The following NAGK variants were observed in gnomAD, a reference collection of about 807,000 sequenced individuals.
NAGK encodes the protein N-acetylglucosamine kinase.
NAGK carries 35 observed loss-of-function variants against 42.9 expected under a neutral mutation model. The observed-to-expected ratio is 0.82, with a 90% CI of 0.62 to 1.08. The LOEUF is 1.08. Ranked by LOEUF, NAGK falls within the 50% of genes least tolerant of loss-of-function variation. The pLI is 0.00. For synonymous variants in NAGK, 172 were observed against 176.0 expected, an observed-to-expected ratio of 0.98 and a Z score of 0.18; for missense variants, 446 against 446.0, an observed-to-expected ratio of 1.00 and a Z score of 0.00.
rs552114161 is a variant in NAGK at position 71,073,586 on chromosome 2, T to C, written c.571T>C (p.Tyr191His). The C allele has an allele frequency of 1.2e-6, 2 of 1,611,720 alleles. No homozygotes were observed. The highest frequency in any genetic ancestry group is 1.3e-5 in the African/African-American group (1 of 75,012). The change falls in exon 6 of 10, where the codon TAT becomes CAT. Residue 191 changes from tyrosine to histidine, a missense_variant. By Grantham distance (83) the Tyr-to-His change is moderately conservative. Transcript: ENST00000244204. ...CTACGTCAAACAGGCCATGTTCCAC[T>C]ATTTCCAGGTACTCCTCCTGCTCCC... is the stretch of plus-strand genomic sequence containing the variant. ...IGYVKQAMFH[Y>H]FQVPDRLGIL...
In NAGK at chr2:71,073,603, C is replaced by T. The variant is rs750480519; in HGVS notation, c.579+9C>T. ...TGTTCCACTATTTCCAGGTACTCCT[C>T]CTGCTCCCAGTAAACATGCGCACCT... On this transcript the variant is annotated intron_variant, in intron 6 of 9. Coordinates refer to ENST00000244204, the MANE Select transcript of NAGK (RefSeq NM_017567.6). The T allele has an allele frequency of 2.9e-5, 47 of 1,597,370 alleles. No homozygotes were observed. Among genetic ancestry groups the T allele is most frequent in the Non-Finnish European group, 4.0e-5 (47 of 1,165,124 alleles).
In NAGK at chr2:71,073,512, T is replaced by C. The variant is rs1672100495; in HGVS notation, c.497T>C (p.Ile166Thr). Residue 166 changes from isoleucine (I) to threonine (T), a missense_variant, in exon 6 of 10, where the codon ATA becomes ACA. Transcript: ENST00000244204. The stretch of plus-strand genomic sequence containing the variant: ...TGGATCGCACACCAAGCAGTGAAAA[T>C]AGTGTTTGACTCCATTGACAACCTA... ...AYWIAHQAVKIVFDSIDNLEA... is the reference protein window; with the variant it reads ...AYWIAHQAVKTVFDSIDNLEA... 1 of 1,614,004 alleles carries C rather than the reference T, an allele frequency of 6.2e-7. No homozygotes were observed. Among genetic ancestry groups the C allele is most frequent in the Non-Finnish European group, 8.5e-7 (1 of 1,179,982 alleles).
chr2:71,074,818 G>A (rs998076116), intron 6 of NAGK: 12 of 152,228 alleles, frequency 7.9e-5, no homozygotes, highest in Non-Finnish European at 1.6e-4. Flanking sequence ...AGGAGGCTGA[G>A]GCAGAGAGAA....
chr2:71,068,538 C>T (rs1306467704), upstream of NAGK: 10 of 1,470,344 alleles, frequency 6.8e-6, no homozygotes, highest in Middle Eastern at 7.1e-4. Context: ...CGGCGCCCCG[C>T]CCCGCGCATG....
intron 3 of NAGK, 102 bp from the exon 4 acceptor site, chr2:71,071,573 ACAGGGTATGGC>A: frequency 7.2e-7 from 1 of 1,393,734 alleles, no homozygotes; most frequent in South Asian, 1.5e-5. Context: ...GGCTGGGTGA[ACAGGGTATGGC>A]CAGATGGGGA....
intron 1 of NAGK, chr2:71,069,439 G>A (rs1198469071): frequency 6.6e-6 from 1 of 152,180 alleles, no homozygotes; most frequent in African/African-American, 2.4e-5. Context: ...AATAATGGGG[G>A]TCGCTGGCCT....
intron 3 of NAGK, chr2:71,071,122 TC>T: frequency 2.3e-6 from 1 of 429,900 alleles, no homozygotes; most frequent in Non-Finnish European, 4.3e-6. Context: ...TTACTCACCT[TC>T]TCTAAGCCTC....
rs1379179780 is a variant in NAGK at position 71,076,601 on chromosome 2, C to G, written c.668-3C>G. The G allele has an allele frequency of 6.2e-7, 1 of 1,609,330 alleles. No homozygotes were observed. Among genetic ancestry groups the G allele is most frequent in the Non-Finnish European group, 8.5e-7 (1 of 1,176,078 alleles). On this transcript the variant is annotated splice_polypyrimidine_tract_variant and splice_region_variant and intron_variant, in intron 7 of 9. Coordinates refer to ENST00000244204, the MANE Select transcript of NAGK (RefSeq NM_017567.6). ...TTTCCTTCTTCCGTCCTCCCTACCC[C>G]AGGTGCTCAGCAGGGAGACCCCCTT... is the stretch of plus-strand genomic sequence containing the variant.
At chr2:71,072,010 A>G (rs1490290094) in intron 4 of NAGK, among the ~76,000 whole-genome samples, 183 bp downstream of exon 4, 1 of 152,216 alleles carries the variant, frequency 6.6e-6, no homozygotes, top group Non-Finnish European at 1.5e-5. Flanking sequence ...GAAGGGCAAG[A>G]AAGGTCTCTT....
intron 3 of NAGK, 21 bp from the exon 4 acceptor site, chr2:71,071,665 C>A: frequency 6.2e-7 from 1 of 1,603,880 alleles, no homozygotes; most frequent in Non-Finnish European, 8.5e-7. Context: ...TGCACACTCG[C>A]TCACCTCCCG....
intron 2 of NAGK, 28 bp downstream of exon 2, chr2:71,070,614 G>T (rs753268615): frequency 1.2e-6 from 2 of 1,608,148 alleles, no homozygotes; most frequent in East Asian, 4.5e-5. Context: ...GGGATCAGAG[G>T]GCTTGGTTCT....
chr2:71,069,378 A>C (rs554596819), intron 1 of NAGK: 8 of 152,616 alleles, frequency 5.2e-5, no homozygotes, highest in Admixed American at 5.2e-4. Flanking sequence ...TAAGATCGCT[A>C]TGTCCCTGCC....
Position 71,075,745 on chromosome 2 carries a change from C to T in NAGK, c.667+103C>T. 3 of 1,147,876 alleles carry T rather than the reference C, an allele frequency of 2.6e-6. No individual in the cohort carries two copies. The South Asian group carries it at 4.0e-5, about 15-fold the overall frequency. 71.1% of individuals were successfully genotyped at this position (1,147,876 alleles called of 1,614,324 possible). ...ACAGGACTGACAACAATTTTCCTCT[C>T]ACCAAGTGACCTCAGTTCTCTGCCA... On this transcript the variant is annotated intron_variant, in intron 7 of 9. Transcript: ENST00000244204.
In NAGK at chr2:71,070,748, G is replaced by C. The variant is rs1293961642; in HGVS notation, c.122G>C (p.Gly41Ala). 2 of 1,614,200 alleles carry C rather than the reference G, an allele frequency of 1.2e-6. No individual in the cohort carries two copies. Among genetic ancestry groups the C allele is most frequent in the Non-Finnish European group, 1.7e-6 (2 of 1,180,024 alleles). The change falls in exon 3 of 10, where the codon GGG (glycine) becomes GCG (alanine). Residue 41 changes from glycine (G) to alanine (A), a missense_variant. By Grantham distance (60) the Gly-to-Ala change is moderately conservative (BLOSUM62 0). Coordinates refer to ENST00000244204, the MANE Select transcript of NAGK (RefSeq NM_017567.6). The part of the protein sequence containing the change: ...DGLSTNHWLI[G>A]TDKCVERINE... The stretch of plus-strand genomic sequence containing the variant: ...TCCCTTGATTGGGGCCAGCTGATCG[G>C]GACAGACAAGTGTGTGGAGAGGATC...
At chr2:71,071,357 C>T (rs548907170) in intron 3 of NAGK, 4 of 346,378 alleles carry the variant, frequency 1.2e-5, no homozygotes, top group South Asian at 4.8e-5. Context: ...AGGCAAACCT[C>T]GTGTATACCA....
rs77352101 is a variant in NAGK at position 71,070,544 on chromosome 2, G to A, written c.72G>A (p.Gly24=). ...RSEVLLVSED[G]KILAEADGLS... is the part of the protein sequence containing the mutation. ...AGGTCCTTTTAGTCTCAGAGGATGG[G>A]AAGATCCTGGCAGAAGCAGATGGAC... is the stretch of plus-strand genomic sequence containing the variant. The change falls in exon 2 of 10, where the codon GGG becomes GGA. Residue 24 remains glycine, a synonymous_variant. Transcript: ENST00000244204. The A allele has an allele frequency of 4.9e-3, 7,977 of 1,614,088 alleles. 265 individuals are homozygous for A. In the African/African-American group the frequency reaches 0.086, roughly 17 times the overall value.
intron 3 of NAGK, 80 bp downstream of exon 3, chr2:71,070,919 T>C: frequency 7.1e-7 from 1 of 1,410,272 alleles, no homozygotes; most frequent in Non-Finnish European, 1.0e-6. Context: ...ATGAGTTTGA[T>C]GACTGCAGAG....
chr2:71,077,408 CT>C (rs147845543), intron 8 of NAGK, 149 bp from the exon 9 acceptor site: 262 of 677,092 alleles, frequency 3.9e-4, no homozygotes, highest in South Asian at 7.0e-4. Flanking sequence ...ATTTTCCTCC[CT>C]TTTTTTTTCC....
chr2:71,073,289 TGGTC>T, intron 5 of NAGK, 189 bp from the exon 6 acceptor site: 1 of 596,256 alleles, frequency 1.7e-6, no homozygotes, highest in South Asian at 1.9e-5. Flanking sequence ...TCCCTTATCT[TGGTC>T]AGTCAGATAC....
Sources: allele counts gnomAD v4.1 joint callset (sites outside exome capture counted in the v4.1 genomes callset), GRCh38; gene constraint gnomAD v4.1.1; transcripts MANE v1.5; gene names NCBI Gene and HGNC (gene_info 2026-07-23, HGNC 2026-07-21).